TXNRD1: variants seen among roughly 807,000 people sequenced by gnomAD.
TXNRD1 encodes the protein thioredoxin reductase 1, cytoplasmic.
A neutral mutation model predicts 80.3 loss-of-function variants in TXNRD1; 57 were observed. The ratio of observed to expected loss-of-function variants is 0.71; its 90% CI spans 0.57 to 0.89. The LOEUF is 0.89. TXNRD1 is among the 40% of genes least tolerant of loss of function. The pLI, the probability that TXNRD1 is intolerant of heterozygous loss-of-function variation, is 0.00. For missense variants in TXNRD1, 730 were observed against 803.0 expected, an observed-to-expected ratio of 0.91 and a Z score of 1.10; for synonymous variants, 291 against 285.2, an observed-to-expected ratio of 1.02 and a Z score of -0.20.
chr12:104,291,185 C>G (rs1406525718), intron 4 of TXNRD1: 5 of 317,982 alleles, frequency 1.6e-5, no homozygotes, highest in Non-Finnish European at 2.9e-5. Context: ...TAAACTTATT[C>G]TACTTTGTGT....
chr12:104,291,174 G>A (rs2034193806), intron 4 of TXNRD1: 1 of 294,118 alleles, frequency 3.4e-6, no homozygotes, highest in Non-Finnish European at 6.4e-6. Flanking sequence ...TATTTCTTAA[G>A]TAAACTTATT....
At chr12:104,261,702 G>A (rs116921516) in intron 3 of TXNRD1, among the ~76,000 whole-genome samples, 294 of 151,956 alleles carry the variant, frequency 1.9e-3, no homozygotes, top group Non-Finnish European at 3.3e-3. Context: ...TTTTTATTAG[G>A]ACCAATGCTA....
chr12:104,269,648 A>G (rs996501218), intron 3 of TXNRD1, among the ~76,000 whole-genome samples: 14 of 150,228 alleles, frequency 9.3e-5, no homozygotes, highest in Non-Finnish European at 1.8e-4. Flanking sequence ...GCTCACAGTA[A>G]CCTCTGCCTC....
chr12:104,267,241 C>CTCTTTTTTTCTTTCTTTCTTTCTT (rs2033515514), intron 3 of TXNRD1, among the ~76,000 whole-genome samples: 1 of 85,750 alleles, frequency 1.2e-5, no homozygotes, highest in Non-Finnish European at 2.1e-5. Context: ...ATTTTCTTTT[C>CTCTTTTTTTCTTTCTTTCTTTCTT]TCTTTCTTTC....
intron 13 of TXNRD1, 84 bp downstream of exon 13, chr12:104,327,755 G>T: frequency 1.4e-6 from 2 of 1,446,996 alleles, no homozygotes; most frequent in Non-Finnish European, 1.9e-6. Context: ...GGGAAGTTTC[G>T]CAGATCTTGA....
intron 3 of TXNRD1, chr12:104,287,399 T>TATAC (rs2034009241): frequency 6.2e-7 from 1 of 1,613,832 alleles, no homozygotes; most frequent in African/African-American, 1.3e-5. Context: ...TTGGTCTTTG[T>TATAC]AGAGACAGTT....
At chr12:104,254,218 A>G (rs193005502) in intron 2 of TXNRD1, among the ~76,000 whole-genome samples, 5 of 152,300 alleles carry the variant, frequency 3.3e-5, no homozygotes, top group Admixed American at 3.3e-4. Flanking sequence ...ATTAATTAAT[A>G]TTTATAAAAG....
At chr12:104,303,983 A>G (rs766144686) in intron 4 of TXNRD1, 2 of 1,607,878 alleles carry the variant, frequency 1.2e-6, no homozygotes, top group Non-Finnish European at 1.7e-6. Context: ...CGACGACCTC[A>G]GCTCTGGGGA....
At chr12:104,290,884 G>C in intron 4 of TXNRD1, 1 of 540,546 alleles carries the variant, frequency 1.8e-6, no homozygotes. Flanking sequence ...ATGGCAATGG[G>C]AGTAAAAAGA....
chr12:104,293,982 A>G (rs1237417387), intron 4 of TXNRD1, among the ~76,000 whole-genome samples: 1 of 152,166 alleles, frequency 6.6e-6, no homozygotes, highest in Non-Finnish European at 1.5e-5. Context: ...GACAAAGAGA[A>G]AGACAGCTTA....
intron 12 of TXNRD1, among the ~76,000 whole-genome samples, chr12:104,327,002 A>C (rs11111995): frequency 4.0e-5 from 6 of 151,384 alleles, no homozygotes; most frequent in Non-Finnish European, 4.4e-5. Context: ...ACCTATAATC[A>C]TGCTGGCCAG....
At chr12:104,232,164 A>G (rs536630527) in intron 1 of TXNRD1, among the ~76,000 whole-genome samples, 15 of 152,310 alleles carry the variant, frequency 9.8e-5, no homozygotes, top group African/African-American at 3.4e-4. Context: ...AAGACCTTTA[A>G]AGCCAAGCCC....
chr12:104,272,568 G>A (rs1046034954), intron 3 of TXNRD1, among the ~76,000 whole-genome samples: 1 of 152,174 alleles, frequency 6.6e-6, no homozygotes, highest in African/African-American at 2.4e-5. Context: ...GCCAAGGCGA[G>A]CAGATCACGA....
At chr12:104,233,809 A>G (rs2135686059) in intron 1 of TXNRD1, among the ~76,000 whole-genome samples, 1 of 152,318 alleles carries the variant, frequency 6.6e-6, no homozygotes, top group Non-Finnish European at 1.5e-5. Context: ...GGTGTGAGCC[A>G]CCGCACCTGG....
chr12:104,289,082 C>T (rs1200795084), intron 4 of TXNRD1, 42 bp downstream of exon 4: 1 of 1,590,914 alleles, frequency 6.3e-7, no homozygotes, highest in South Asian at 1.1e-5. Flanking sequence ...GGGATGAGCT[C>T]GTTGAGCTCA....
At position 104,287,303 on chromosome 12, in the gene TXNRD1, G is replaced by A. The variant is rs757064106; in HGVS notation, c.305-1628G>A. 12 of 1,613,898 alleles carry A rather than the reference G, an allele frequency of 7.4e-6. No individual in the cohort carries two copies. The South Asian group carries it at 1.1e-4, about 15-fold the overall frequency. On this transcript the variant is annotated intron_variant, in intron 3 of 16. Transcript: ENST00000525566. ...CCAAACCCAGGCAGCTTCGTGGCGT[G>A]TGCGGTTTCGACCCGGTCACACAAA...
intron 8 of TXNRD1, 51 bp from the exon 9 acceptor site, chr12:104,319,419 A>C: frequency 8.2e-7 from 1 of 1,221,614 alleles, no homozygotes; most frequent in Non-Finnish European, 1.2e-6. Flanking sequence ...TGAAGTTTAC[A>C]ATTCTGAGGA....
chr12:104,265,638 C>T, intron 3 of TXNRD1: 1 of 1,607,440 alleles, frequency 6.2e-7, no homozygotes. Flanking sequence ...CCCAGTGCTA[C>T]CGAGACATGG....
intron 1 of TXNRD1, among the ~76,000 whole-genome samples, chr12:104,230,574 G>A (rs1053662504): frequency 6.6e-6 from 1 of 152,120 alleles, no homozygotes; most frequent in Non-Finnish European, 1.5e-5. Context: ...GAATAATGAT[G>A]TTGAGCATAT....
Sources: gnomAD v4.1 joint callset for allele counts (sites outside exome capture counted in the v4.1 genomes callset) on GRCh38, gnomAD v4.1.1 for gene constraint, MANE v1.5 for transcripts, NCBI Gene and HGNC (gene_info 2026-07-23, HGNC 2026-07-21) for gene names.